Variants in MAJIN observed in about 807,000 individuals in gnomAD.
MAJIN encodes membrane anchored junction protein.
Under a neutral mutation model 30.2 loss-of-function variants are expected in MAJIN, and 27 were observed. The observed-to-expected ratio is 0.89, with a 90% CI of 0.66 to 1.23. The LOEUF (loss-of-function observed/expected upper bound fraction) is 1.23, where lower values mean the gene tolerates loss of function less well. Ranked by LOEUF, MAJIN falls within the 50% of genes most tolerant of loss-of-function variation. MAJIN has a pLI of 0.00. For missense variants in MAJIN, 253 were observed against 260.3 expected (o/e 0.97, Z 0.19); for synonymous variants, 78 against 91.6 (o/e 0.85, Z 0.85).
At chr11:64,945,900 G>A (rs748289390) in intron 8 of MAJIN, among the ~76,000 whole-genome samples, 11 of 152,296 alleles carry the variant, frequency 7.2e-5, no homozygotes, top group Middle Eastern at 3.4e-3. Context: ...TTTGGGATGC[G>A]TTGTGGCAAG....
rs755183650 is a variant in MAJIN, at chr11:64,938,488, A to G, written c.*87T>C. The G allele has an allele frequency of 1.0e-4, 157 of 1,524,336 alleles. 1 individual carries two copies. Among genetic ancestry groups the G allele is most frequent in the Non-Finnish European group, 1.1e-4 (127 of 1,136,350 alleles). The allele number at this position is 1,524,336 out of a possible 1,614,324, so 94.4% of individuals were successfully genotyped here. On this transcript the variant is annotated 3_prime_UTR_variant, in exon 11 of 11. Transcript: ENST00000301896. ...GAATGGCTCGGGAGGAGTCACTACA[A>G]GAGATGATCCTCTTTCCAGCGCTGC...
chr11:64,945,881 T>G (rs560355823), intron 8 of MAJIN, among the ~76,000 whole-genome samples: 1 of 152,362 alleles, frequency 6.6e-6, no homozygotes, highest in Admixed American at 6.5e-5. Context: ...GCGTGTATTA[T>G]GCAGCCACTT....
chr11:64,955,783 A>C (rs1945621064), intron 3 of MAJIN, among the ~76,000 whole-genome samples: 1 of 152,242 alleles, frequency 6.6e-6, no homozygotes, highest in Non-Finnish European at 1.5e-5. Context: ...GATACTGTAT[A>C]ATGAAATGTA....
chr11:64,951,799 T>A (rs113647269), intron 4 of MAJIN, among the ~76,000 whole-genome samples: 6,178 of 150,552 alleles, frequency 0.041, 160 homozygotes, highest in Middle Eastern at 0.065. Flanking sequence ...TATTGTGTCT[T>A]GTTTATCTTT....
chr11:64,966,112 G>C (rs1377251624), intron 1 of MAJIN, among the ~76,000 whole-genome samples: 1 of 105,654 alleles, frequency 9.5e-6, no homozygotes, highest in African/African-American at 3.6e-5. Context: ...GAGCTGCCCA[G>C]AAGCAGTACA....
chr11:64,947,584 T>C (rs1007995578), intron 7 of MAJIN, 119 bp from the exon 8 acceptor site: 4 of 1,104,210 alleles, frequency 3.6e-6, no homozygotes, highest in African/African-American at 1.6e-5. Flanking sequence ...TAACACCAGC[T>C]TTGCAAGTAA....
rs1247814235 is a variant in MAJIN, at chr11:64,938,462, A to G, written c.*113T>C. The G allele has an allele frequency of 6.8e-7, 1 of 1,479,408 alleles. No individual in the cohort carries two copies. Among genetic ancestry groups the G allele is most frequent in the Non-Finnish European group, 9.1e-7 (1 of 1,095,746 alleles). 91.6% of individuals were successfully genotyped at this position (1,479,408 alleles called of 1,614,324 possible). ...ATAAGAAAAGGATAGAGTTGGAGGAAGAATGGCTCGGGAGGAGTCACTACA... is the reference window on the plus strand; with the variant it reads ...ATAAGAAAAGGATAGAGTTGGAGGAGGAATGGCTCGGGAGGAGTCACTACA... On this transcript the variant is annotated 3_prime_UTR_variant, in exon 11 of 11. Transcript: ENST00000301896.
At position 64,954,756 on chromosome 11, in the gene MAJIN, C is replaced by T; in HGVS notation, c.147+1G>A. ...CAGAAGTCGTATGCTTCTTTCCCTA[C>T]CTCCAGCTCCTGGGTGATGACTTCC... On this transcript the variant is annotated splice_donor_variant, in intron 4 of 10. Coordinates refer to ENST00000301896, the MANE Select transcript of MAJIN (RefSeq NM_001037225.3). LOFTEE classifies it high-confidence loss of function. The T allele has an allele frequency of 1.2e-6, 2 of 1,613,576 alleles. No individual in the cohort carries two copies. Among genetic ancestry groups the T allele is most frequent in the East Asian group, 2.2e-5 (1 of 44,886 alleles).
intron 3 of MAJIN, among the ~76,000 whole-genome samples, chr11:64,958,828 T>C (rs2136791139): frequency 6.6e-6 from 1 of 152,158 alleles, no homozygotes; most frequent in Non-Finnish European, 1.5e-5. Flanking sequence ...TTTCACCATG[T>C]TGGCCAGGCT....
chr11:64,969,198 T>TTTTA (rs1333126709), intron 1 of MAJIN, among the ~76,000 whole-genome samples: 1 of 152,080 alleles, frequency 6.6e-6, no homozygotes, highest in Admixed American at 6.6e-5. Context: ...AGTAGTTGTG[T>TTTTA]TTTAAGTCTA....
At chr11:64,971,418 A>G (rs1590712792) in intron 1 of MAJIN, among the ~76,000 whole-genome samples, 1 of 98,140 alleles carries the variant, frequency 1.0e-5, no homozygotes, top group Admixed American at 1.2e-4. Flanking sequence ...ACAGAGCGAG[A>G]CCCCGCCTCA....
At chr11:64,938,617 C>T (rs1268954045) in intron 10 of MAJIN, 44 bp from the exon 11 acceptor site, 3 of 1,521,986 alleles carry the variant, frequency 2.0e-6, no homozygotes, top group Non-Finnish European at 2.6e-6. Flanking sequence ...TATGAGGTCT[C>T]CTTCCCTTCT....
chr11:64,948,768 T>C (rs1394628443), intron 6 of MAJIN, among the ~76,000 whole-genome samples: 2 of 145,402 alleles, frequency 1.4e-5, no homozygotes, highest in South Asian at 2.3e-4. Context: ...GCGATTCTTC[T>C]GTTTCAGCTT....
At chr11:64,967,992 A>C (rs1945838430) in intron 1 of MAJIN, among the ~76,000 whole-genome samples, 1 of 152,184 alleles carries the variant, frequency 6.6e-6, no homozygotes, top group Admixed American at 6.6e-5. Flanking sequence ...AACTGACTTG[A>C]GGCCTTCATG....
At chr11:64,968,610 G>A (rs11231911) in intron 1 of MAJIN, among the ~76,000 whole-genome samples, 18,117 of 151,426 alleles carry the variant, frequency 0.12, 1,547 homozygotes, top group East Asian at 0.28. Context: ...TGAGGCGGGC[G>A]GATCATGAGG....
chr11:64,968,358 C>A (rs1945844244), intron 1 of MAJIN, among the ~76,000 whole-genome samples: 1 of 152,066 alleles, frequency 6.6e-6, no homozygotes, highest in Admixed American at 6.5e-5. Context: ...GCAGCCTCAA[C>A]CTCCCAGGCT....
chr11:64,971,046 G>C lies in MAJIN; in HGVS notation c.-65+831C>G, dbSNP rs559216395. 1.0e-3 allele frequency among the ~76,000 whole-genome samples: 156 copies of C among 152,264 alleles called. 1 individual carries two copies. Among genetic ancestry groups the C allele is most frequent in the Non-Finnish European group, 1.5e-3 (103 of 68,022 alleles). On this transcript the variant is annotated intron_variant, in intron 1 of 10. Transcript: ENST00000301896. ...AAAGCGGCTCACACCTGTAATCCCAGCACTTTGGGATGCCGAGGCGGGTGG... is the reference window on the plus strand; with the variant it reads ...AAAGCGGCTCACACCTGTAATCCCACCACTTTGGGATGCCGAGGCGGGTGG...
chr11:64,938,239 A>G lies in MAJIN; in HGVS notation c.*336T>C, dbSNP rs1945315971. ...CACTAAATTCAATCAATAACTCTTC[A>G]TAAATAATTTATTGTCATTAGGATC... On this transcript the variant is annotated 3_prime_UTR_variant, in exon 11 of 11. Coordinates refer to ENST00000301896, the MANE Select transcript of MAJIN (RefSeq NM_001037225.3). 2 of 357,956 alleles carry G rather than the reference A, an allele frequency of 5.6e-6. No homozygotes were observed. Among genetic ancestry groups the G allele is most frequent in the South Asian group, 3.7e-5 (1 of 27,092 alleles). The allele number at this position is 357,956 out of a possible 1,614,324, so 22.2% of individuals were successfully genotyped here. A position where few individuals can be genotyped will look rare whatever the true frequency, so the allele number is the denominator to read the frequency against.
intron 9 of MAJIN, among the ~76,000 whole-genome samples, chr11:64,940,110 A>G (rs1945351863): frequency 6.6e-6 from 1 of 152,166 alleles, no homozygotes; most frequent in Non-Finnish European, 1.5e-5. Flanking sequence ...CTGAATCCTC[A>G]TGCTGGGTAA....
Sources: gnomAD v4.1 joint callset for allele counts (sites outside exome capture counted in the v4.1 genomes callset) on GRCh38, gnomAD v4.1.1 for gene constraint, MANE v1.5 for transcripts, NCBI Gene and HGNC (gene_info 2026-07-23, HGNC 2026-07-21) for gene names.